MBNL2: variants seen among roughly 807,000 people sequenced by gnomAD.
MBNL2 encodes muscleblind-like protein 2.
In MBNL2, 17 loss-of-function variants were observed where a neutral mutation model predicts 41.9. The ratio of observed to expected loss-of-function variants is 0.41; its 90% CI spans 0.28 to 0.61. The LOEUF is 0.61. MBNL2 is among the 20% of genes least tolerant of loss of function. MBNL2 has a pLI of 0.35. For missense variants in MBNL2, 336 were observed against 505.6 expected, an observed-to-expected ratio of 0.66 and a Z score of 3.22; for synonymous variants, 195 against 182.9, an observed-to-expected ratio of 1.07 and a Z score of -0.53.
At chr13:97,374,002 C>T (rs981644208) in intron 8 of MBNL2, among the ~76,000 whole-genome samples, 10 of 147,616 alleles carry the variant, frequency 6.8e-5, no homozygotes, top group South Asian at 2.2e-4. Context: ...AGTCCTTATG[C>T]GGCACATTCC....
intron 2 of MBNL2, among the ~76,000 whole-genome samples, chr13:97,316,157 A>G (rs144346915): frequency 7.9e-5 from 12 of 152,274 alleles, no homozygotes; most frequent in African/African-American, 2.9e-4. Flanking sequence ...TGATGACAAA[A>G]ATCCCCTTCC....
At chr13:97,293,400 C>T (rs915853308) in intron 2 of MBNL2, among the ~76,000 whole-genome samples, 1 of 152,058 alleles carries the variant, frequency 6.6e-6, no homozygotes, top group African/African-American at 2.4e-5. Context: ...TAAAAAGGTA[C>T]AGTTTTTACC....
intron 3 of MBNL2, among the ~76,000 whole-genome samples, chr13:97,338,578 C>A (rs1170499242): frequency 6.6e-6 from 1 of 152,178 alleles, no homozygotes; most frequent in Non-Finnish European, 1.5e-5. Flanking sequence ...ATTTATTCCT[C>A]CTAGCAGCTT....
At chr13:97,373,874 A>G (rs1276353295) in intron 8 of MBNL2, among the ~76,000 whole-genome samples, 2 of 151,878 alleles carry the variant, frequency 1.3e-5, no homozygotes, top group Admixed American at 6.6e-5. Flanking sequence ...GTACATTTTC[A>G]TTTTTCATGA....
the MBNL2 span, among the ~76,000 whole-genome samples, chr13:97,210,652 G>A: frequency 3.3e-5 from 4 of 119,828 alleles, no homozygotes; most frequent in Non-Finnish European, 6.4e-5. Flanking sequence ...GAGTGCAGTG[G>A]TGCAATCGTG....
the MBNL2 span, among the ~76,000 whole-genome samples, chr13:97,203,062 T>A: frequency 6.6e-6 from 1 of 152,290 alleles, no homozygotes; most frequent in African/African-American, 2.4e-5. Context: ...ATTAGAGTAA[T>A]GGGTAGACCA....
chr13:97,237,039 T>C (rs1317131148), intron 1 of MBNL2, among the ~76,000 whole-genome samples: 4 of 152,180 alleles, frequency 2.6e-5, no homozygotes, highest in Non-Finnish European at 5.9e-5. Context: ...GATTAGCCTG[T>C]TAGTCTGTTT....
chr13:97,251,563 G>T (rs2046507520), intron 1 of MBNL2, among the ~76,000 whole-genome samples: 1 of 152,140 alleles, frequency 6.6e-6, no homozygotes, highest in East Asian at 1.9e-4. Context: ...GCACTGAAGT[G>T]TTTAAAGATT....
chr13:97,162,525 T>C, the MBNL2 span, among the ~76,000 whole-genome samples: 1 of 152,232 alleles, frequency 6.6e-6, no homozygotes, highest in Admixed American at 6.5e-5. Flanking sequence ...TGCTTTGTCT[T>C]ATGGCTGCAG....
chr13:97,150,691 G>C, the MBNL2 span, among the ~76,000 whole-genome samples: 1 of 152,156 alleles, frequency 6.6e-6, no homozygotes, highest in Non-Finnish European at 1.5e-5. Flanking sequence ...GTTATTGTTA[G>C]AGACGAGATC....
chr13:97,364,261 G>A (rs2063668928), intron 7 of MBNL2, among the ~76,000 whole-genome samples: 1 of 152,132 alleles, frequency 6.6e-6, no homozygotes, highest in Non-Finnish European at 1.5e-5. Flanking sequence ...ATGCCAACTT[G>A]AGATTTCCTA....
At position 97,357,488 on chromosome 13, in the gene MBNL2, C is replaced by A; in HGVS notation, c.865C>A (p.Pro289Thr). The A allele has an allele frequency of 6.2e-7, 1 of 1,613,874 alleles. No individual in the cohort carries two copies. The highest frequency in any genetic ancestry group is 8.5e-7 in the Non-Finnish European group (1 of 1,179,830). ...TCGAATTCTTCATTTCTAGGCCTTT[C>A]CCCCTGGTGCTCTTCATCCTTTACC... ...PLEATVDLAF[P>T]PGALHPLPKR... The change falls in exon 7 of 9, where the codon CCC (proline) becomes ACC (threonine). Residue 289 changes from proline (P) to threonine (T), a missense_variant. Transcript: ENST00000679496.
chr13:97,175,346 A>C, the MBNL2 span, among the ~76,000 whole-genome samples: 1 of 152,238 alleles, frequency 6.6e-6, no homozygotes, highest in East Asian at 1.9e-4. Flanking sequence ...CTCTTATACA[A>C]CGAATCCTGA....
Position 97,347,068 on chromosome 13 carries a change from G to GT in MBNL2, c.804+2dup. On this transcript the variant is annotated splice_donor_variant, in intron 5 of 8. Coordinates refer to ENST00000679496, the MANE Select transcript of MBNL2 (RefSeq NM_001382683.1). LOFTEE classifies it high-confidence loss of function. ...AGCCGCGGCCGCGGCCACAGTCATG[G>GT]TAAGTGCGGCCGCCCGCCGCCCCTG... 1 of 1,573,634 alleles carries GT rather than the reference G, an allele frequency of 6.4e-7. No individual in the cohort carries two copies. Among genetic ancestry groups the GT allele is most frequent in the Non-Finnish European group, 8.6e-7 (1 of 1,160,954 alleles).
intron 3 of MBNL2, among the ~76,000 whole-genome samples, chr13:97,339,636 C>T (rs1221326129): frequency 2.0e-5 from 3 of 152,042 alleles, no homozygotes; most frequent in Non-Finnish European, 2.9e-5. Context: ...TTTTCTCAGC[C>T]GCCAGCTGAG....
chr13:97,389,267 G>T (rs1594304590), intron 8 of MBNL2, among the ~76,000 whole-genome samples: 2 of 152,136 alleles, frequency 1.3e-5, no homozygotes. Context: ...ACCCACGTTT[G>T]CCCATTCTAA....
intron 8 of MBNL2, among the ~76,000 whole-genome samples, chr13:97,385,975 T>G (rs1478691374): frequency 1.3e-5 from 2 of 152,246 alleles, no homozygotes; most frequent in Non-Finnish European, 1.5e-5. Context: ...GTGACAGGTA[T>G]GGATGGCTCA....
chr13:97,384,706 A>AATTGCCTATTTTTAGGAAATGCCAC (rs2065785872), intron 8 of MBNL2, among the ~76,000 whole-genome samples: 1 of 152,010 alleles, frequency 6.6e-6, no homozygotes, highest in Non-Finnish European at 1.5e-5. Flanking sequence ...GGAAATGCCA[A>AATTGCCTATTTTTAGGAAATGCCAC]TTAATTGCCT....
chr13:97,360,726 G>T (rs1355665137), intron 7 of MBNL2, among the ~76,000 whole-genome samples: 1 of 152,206 alleles, frequency 6.6e-6, no homozygotes, highest in Non-Finnish European at 1.5e-5. Flanking sequence ...TACGACAGCT[G>T]AAATATTTGT....
Sources: gnomAD v4.1 joint callset for allele counts (sites outside exome capture counted in the v4.1 genomes callset) on GRCh38, gnomAD v4.1.1 for gene constraint, MANE v1.5 for transcripts, NCBI Gene and HGNC (gene_info 2026-07-23, HGNC 2026-07-21) for gene names.